Variants in UGT2B7 observed in about 807,000 individuals in gnomAD.
The protein encoded by UGT2B7 is UDP-glucuronosyltransferase 2B7.
UGT2B7 carries 51 observed loss-of-function variants against 51.9 expected under a neutral mutation model. The ratio of observed to expected loss-of-function variants is 0.98; its 90% confidence interval spans 0.78 to 1.24. The LOEUF (loss-of-function observed/expected upper bound fraction) is 1.24, where lower values mean the gene tolerates loss of function less well. Among genes scored for constraint, UGT2B7 ranks in the 50% most tolerant of loss-of-function variants. The pLI is 0.00. For missense variants in UGT2B7, 727 were observed against 628.4 expected (o/e 1.16, Z -1.68); for synonymous variants, 225 against 211.6 (o/e 1.06, Z -0.55).
At chr4:69,059,990 A>C (rs1718307403) in intron 1 of UGT2B7, among the ~76,000 whole-genome samples, 1 of 152,212 alleles carries the variant, frequency 6.6e-6, no homozygotes, top group Non-Finnish European at 1.5e-5. Context: ...AATGGGGTAA[A>C]TCACAGTACA....
At chr4:69,051,581 GA>G (rs1439321243) in exon 1 of UGT2B7, 2 of 152,378 alleles carry the variant, frequency 1.3e-5, no homozygotes, top group South Asian at 2.1e-4. Context: ...CTGGCACTTG[GA>G]GTCCAGACAT....
chr4:69,090,866 G>C (rs553998175), intron 2 of UGT2B7, among the ~76,000 whole-genome samples: 1 of 152,248 alleles, frequency 6.6e-6, no homozygotes, highest in Non-Finnish European at 1.5e-5. Context: ...TTTTTTAAAA[G>C]TTGTGTAAGT....
chr4:69,112,442 ATTTT>A lies in UGT2B7; in HGVS notation c.1311-13_1311-10del. 6.2e-7 allele frequency: 1 copy of A among 1,609,214 alleles called. No individual in the cohort carries two copies. The highest frequency in any genetic ancestry group is 8.5e-7 in the Non-Finnish European group (1 of 1,177,966). The stretch of plus-strand genomic sequence containing the variant: ...CTCTTCCTGCTACATTACTGTCTTT[ATTTT>A]TATCTTTCAGATATAAAGAGAATGT... On this transcript the variant is annotated splice_polypyrimidine_tract_variant and intron_variant, in intron 5 of 5. Transcript: ENST00000305231.
At chr4:69,063,031 T>G (rs997291837) in intron 1 of UGT2B7, among the ~76,000 whole-genome samples, 16 of 152,172 alleles carry the variant, frequency 1.1e-4, no homozygotes, top group African/African-American at 3.9e-4. Flanking sequence ...GCACACTACA[T>G]GGATAAGAAA....
At chr4:69,087,802 A>T (rs1179943446) in intron 1 of UGT2B7, among the ~76,000 whole-genome samples, 1 of 151,592 alleles carries the variant, frequency 6.6e-6, no homozygotes, top group African/African-American at 2.4e-5. Flanking sequence ...TTTTTTTGAG[A>T]AATTTGATGA....
At chr4:69,061,778 G>A (rs4299663) in intron 1 of UGT2B7, among the ~76,000 whole-genome samples, 4,870 of 152,176 alleles carry the variant, frequency 0.032, 102 homozygotes, top group Middle Eastern at 0.11. Flanking sequence ...CCTGAAAAGG[G>A]CCCACTCAGC....
intron 1 of UGT2B7, among the ~76,000 whole-genome samples, chr4:69,066,904 GTC>G (rs1322694502): frequency 3.3e-5 from 5 of 152,038 alleles, no homozygotes; most frequent in African/African-American, 4.8e-5. Context: ...TAAATCCTCG[GTC>G]TTTATCATGG....
At chr4:69,057,940 C>T (rs963926152) in intron 1 of UGT2B7, among the ~76,000 whole-genome samples, 37 of 152,106 alleles carry the variant, frequency 2.4e-4, no homozygotes, top group African/African-American at 8.5e-4. Flanking sequence ...AGGTGGTGAC[C>T]GGAGTCAGAG....
chr4:69,099,182 C>T (rs1029978791), intron 2 of UGT2B7, among the ~76,000 whole-genome samples: 6 of 149,810 alleles, frequency 4.0e-5, no homozygotes, highest in African/African-American at 1.5e-4. Context: ...AGAAAGTATC[C>T]TGCAGTCACT....
At position 69,096,483 on chromosome 4, in the gene UGT2B7, G is replaced by T; in HGVS notation, c.-38G>T. ...CATAACCATGAGAAATGACAGAAAG[G>T]AACAGCAACTGGAAAACAAGCATTG... On this transcript the variant is annotated 5_prime_UTR_variant, in exon 1 of 6. Coordinates refer to ENST00000305231, the MANE Select transcript of UGT2B7 (RefSeq NM_001074.4). 6.2e-7 allele frequency: 1 copy of T among 1,610,802 alleles called. No individual in the cohort carries two copies. The highest frequency in any genetic ancestry group is 1.1e-5 in the South Asian group (1 of 90,284).
chr4:69,076,293 T>C (rs565795941), intron 1 of UGT2B7, among the ~76,000 whole-genome samples: 14 of 152,218 alleles, frequency 9.2e-5, no homozygotes, highest in Non-Finnish European at 2.1e-4. Context: ...TTTGGGTATA[T>C]GCCCAGCAAT....
upstream of UGT2B7, among the ~76,000 whole-genome samples, chr4:69,091,905 G>T (rs1440868863): frequency 1.3e-5 from 2 of 152,268 alleles, no homozygotes; most frequent in South Asian, 2.1e-4. Flanking sequence ...ATAATCTTGA[G>T]AATTCAAATG....
intron 5 of UGT2B7, among the ~76,000 whole-genome samples, chr4:69,111,109 G>A (rs1468489813): frequency 1.3e-5 from 2 of 152,070 alleles, no homozygotes; most frequent in Non-Finnish European, 2.9e-5. Flanking sequence ...GAGCGGGAGA[G>A]AGGGGAAAAA....
At chr4:69,081,366 TC>T (rs5859159) in intron 1 of UGT2B7, among the ~76,000 whole-genome samples, 87,608 of 151,918 alleles carry the variant, frequency 0.58, 26,267 homozygotes, top group African/African-American at 0.71. Context: ...TAATTATTTT[TC>T]CTACATTTAC....
chr4:69,067,390 C>T (rs1284349227), intron 1 of UGT2B7: 4 of 157,114 alleles, frequency 2.5e-5, no homozygotes, highest in Non-Finnish European at 5.9e-5. Context: ...TTCAAAAAAT[C>T]ATCTATTCTT....
At chr4:69,080,547 C>CAAAA (rs200513314) in intron 1 of UGT2B7, among the ~76,000 whole-genome samples, 5 of 132,972 alleles carry the variant, frequency 3.8e-5, no homozygotes, top group South Asian at 2.4e-4. Context: ...GACTCCGTCT[C>CAAAA]AAAAAAAAAA....
At chr4:69,079,815 A>T (rs1280012829) in intron 1 of UGT2B7, among the ~76,000 whole-genome samples, 3 of 151,510 alleles carry the variant, frequency 2.0e-5, no homozygotes, top group African/African-American at 7.3e-5. Context: ...TTAAAACCTG[A>T]CTTTGGCTTT....
chr4:69,094,087 C>A (rs923406296), upstream of UGT2B7, among the ~76,000 whole-genome samples: 2 of 150,044 alleles, frequency 1.3e-5, no homozygotes, highest in Non-Finnish European at 3.0e-5. Context: ...TAAAATAAAG[C>A]AAATATTGCA....
At chr4:69,073,565 G>A (rs1193569880) in intron 1 of UGT2B7, among the ~76,000 whole-genome samples, 2 of 152,048 alleles carry the variant, frequency 1.3e-5, no homozygotes, top group Non-Finnish European at 1.5e-5. Context: ...AATAATCCTC[G>A]GTCAAATAAG....
Sources: allele counts gnomAD v4.1 joint callset (sites outside exome capture counted in the v4.1 genomes callset), GRCh38; gene constraint gnomAD v4.1.1; transcripts MANE v1.5; gene names NCBI Gene and HGNC (gene_info 2026-07-23, HGNC 2026-07-21).